PDE11A: variants seen among roughly 807,000 people sequenced by gnomAD.
PDE11A encodes dual 3',5'-cyclic-AMP and -GMP phosphodiesterase 11A.
PDE11A carries 100 observed loss-of-function variants against 100.5 expected under a neutral mutation model. That is an observed-to-expected ratio of 1.00 (90% CI 0.85 to 1.18). PDE11A has a LOEUF of 1.18. Ranked by LOEUF, PDE11A falls within the 50% of genes most tolerant of loss-of-function variation. The pLI, the probability that PDE11A is intolerant of heterozygous loss-of-function variation, is 0.00. For synonymous variants in PDE11A, 381 were observed against 420.8 expected, an observed-to-expected ratio of 0.91 and a Z score of 1.16; for missense variants, 1,141 against 1,152.6, an observed-to-expected ratio of 0.99 and a Z score of 0.15.
intron 9 of PDE11A, among the ~76,000 whole-genome samples, chr2:177,784,745 C>A (rs139914599): frequency 6.6e-6 from 1 of 152,146 alleles, no homozygotes; most frequent in Non-Finnish European, 1.5e-5. Flanking sequence ...TGAGGTTTGC[C>A]CTGTGACATC....
intron 6 of PDE11A, among the ~76,000 whole-genome samples, chr2:177,821,026 G>A (rs1295591164): frequency 6.6e-6 from 1 of 151,866 alleles, no homozygotes; most frequent in Non-Finnish European, 1.5e-5. Flanking sequence ...TTTCAGTGAG[G>A]TCAATCTATT....
rs763398770 is a variant in PDE11A at position 178,014,262 on chromosome 2, A to C, written c.1071+40T>G. 7.3e-6 allele frequency: 11 copies of C among 1,499,572 alleles called. No individual in the cohort carries two copies. The Admixed American group carries it at 8.4e-5, about 11-fold the overall frequency. 92.9% of individuals were successfully genotyped at this position (1,499,572 alleles called of 1,614,324 possible). ...TAAAGGAGAATAGCAATCAATGACC[A>C]AGAAGAAAAGTACAACTCACAAAAG... On this transcript the variant is annotated intron_variant, in intron 2 of 19. Coordinates refer to ENST00000286063, the MANE Select transcript of PDE11A (RefSeq NM_016953.4).
intron 2 of PDE11A, chr2:177,953,254 T>A (rs571099321): frequency 6.6e-6 from 1 of 152,260 alleles, no homozygotes; most frequent in East Asian, 1.9e-4. Context: ...GAAGGGCAAC[T>A]TTATCACAGA....
At position 177,828,279 on chromosome 2, in the gene PDE11A, A is replaced by G. The variant is rs542188689; in HGVS notation, c.1501-7984T>C. Reference sequence around the variant, plus strand: ...ATATGTATTAAGTTCATGTCAATATATAATATATTTAATGACATAAAGCAT... The same window carrying G: ...ATATGTATTAAGTTCATGTCAATATGTAATATATTTAATGACATAAAGCAT... On this transcript the variant is annotated intron_variant, in intron 6 of 19. Coordinates refer to ENST00000286063, the MANE Select transcript of PDE11A (RefSeq NM_016953.4). Among the ~76,000 whole-genome samples, 33 of 152,296 alleles carry G rather than the reference A, an allele frequency of 2.2e-4. No individual in the cohort carries two copies. In the South Asian group the frequency reaches 5.0e-3, roughly 23 times the overall value.
chr2:178,069,735 C>A (rs1468217343), intron 1 of PDE11A, among the ~76,000 whole-genome samples: 1 of 152,186 alleles, frequency 6.6e-6, no homozygotes, highest in Non-Finnish European at 1.5e-5. Flanking sequence ...ACACCTACAG[C>A]CACAATTCTA....
At chr2:177,736,526 G>GAAAAAAAAAAGA (rs200764235) in intron 10 of PDE11A, among the ~76,000 whole-genome samples, 3 of 148,528 alleles carry the variant, frequency 2.0e-5, no homozygotes, top group African/African-American at 7.4e-5. Flanking sequence ...AAAAAAAAAA[G>GAAAAAAAAAAGA]AAAAAAAAAG....
chr2:177,692,553 A>C (rs1465513447), intron 15 of PDE11A, among the ~76,000 whole-genome samples: 1 of 152,200 alleles, frequency 6.6e-6, no homozygotes, highest in Non-Finnish European at 1.5e-5. Flanking sequence ...AGCTGGTGAA[A>C]TTACTACTTA....
intron 10 of PDE11A, among the ~76,000 whole-genome samples, chr2:177,728,418 G>A (rs563763371): frequency 3.3e-5 from 5 of 152,104 alleles, no homozygotes; most frequent in South Asian, 2.1e-4. Context: ...TAAAATACAC[G>A]CACTGGATCT....
intron 2 of PDE11A, among the ~76,000 whole-genome samples, chr2:177,983,909 G>C (rs1488016076): frequency 1.3e-5 from 2 of 152,186 alleles, no homozygotes; most frequent in Non-Finnish European, 2.9e-5. Context: ...TAGATGAAGA[G>C]TTCTGAAGGT....
chr2:178,039,266 A>G (rs1480825947), intron 1 of PDE11A, among the ~76,000 whole-genome samples: 1 of 152,210 alleles, frequency 6.6e-6, no homozygotes, highest in Non-Finnish European at 1.5e-5. Flanking sequence ...TTATTAGCAA[A>G]CTAACACAAA....
intron 12 of PDE11A, chr2:177,723,181 G>A (rs965032524): frequency 1.3e-5 from 2 of 152,112 alleles, no homozygotes; most frequent in African/African-American, 4.8e-5. Flanking sequence ...GCAGTCAGAG[G>A]ACAGAACATC....
intron 19 of PDE11A, among the ~76,000 whole-genome samples, chr2:177,631,535 A>ACACATGTG (rs2079934117): frequency 1.3e-4 from 4 of 31,898 alleles, no homozygotes; most frequent in African/African-American, 4.7e-4. Flanking sequence ...ATATATATAT[A>ACACATGTG]TATATATATA....
chr2:177,802,270 T>C (rs13424417), intron 9 of PDE11A, among the ~76,000 whole-genome samples: 63,138 of 151,896 alleles, frequency 0.42, 14,904 homozygotes, highest in African/African-American at 0.65. Flanking sequence ...AAATGTACAA[T>C]GGTATAGCCA....
intron 2 of PDE11A, among the ~76,000 whole-genome samples, chr2:177,989,953 G>T (rs1391026811): frequency 6.6e-6 from 1 of 152,138 alleles, no homozygotes; most frequent in Non-Finnish European, 1.5e-5. Flanking sequence ...AATCCTTTAA[G>T]AAACAAGATG....
chr2:177,743,074 A>G (rs1440341368), intron 10 of PDE11A, among the ~76,000 whole-genome samples: 1 of 152,240 alleles, frequency 6.6e-6, no homozygotes, highest in Admixed American at 6.5e-5. Flanking sequence ...AAACAACAAC[A>G]TGATTTAATG....
intron 16 of PDE11A, among the ~76,000 whole-genome samples, chr2:177,680,538 C>G (rs1310513478): frequency 1.3e-5 from 2 of 152,116 alleles, no homozygotes; most frequent in Admixed American, 6.5e-5. Context: ...CCAACTTGCA[C>G]CCCCACTTCC....
intron 5 of PDE11A, among the ~76,000 whole-genome samples, chr2:177,854,533 G>T (rs1212900482): frequency 6.6e-6 from 1 of 152,014 alleles, no homozygotes; most frequent in Non-Finnish European, 1.5e-5. Flanking sequence ...TACAAAATAG[G>T]GTTATTTGTG....
intron 12 of PDE11A, among the ~76,000 whole-genome samples, chr2:177,717,174 C>T (rs1256153646): frequency 6.6e-6 from 1 of 152,198 alleles, no homozygotes; most frequent in African/African-American, 2.4e-5. Context: ...CCTCTCCCGA[C>T]GGTGATACCT....
intron 19 of PDE11A, among the ~76,000 whole-genome samples, chr2:177,660,104 TC>T (rs2080460797): frequency 2.8e-5 from 1 of 35,822 alleles, no homozygotes. Context: ...TCTTTCTCTC[TC>T]TCTCTCTTTC....
Sources: allele counts gnomAD v4.1 joint callset (sites outside exome capture counted in the v4.1 genomes callset), GRCh38; gene constraint gnomAD v4.1.1; transcripts MANE v1.5; gene names NCBI Gene and HGNC (gene_info 2026-07-23, HGNC 2026-07-21).